Variants in VRK2 observed in about 807,000 individuals in gnomAD.
VRK2 encodes serine/threonine-protein kinase VRK2.
In VRK2, 60 loss-of-function variants were observed where a neutral mutation model predicts 57.6. The ratio of observed to expected loss-of-function variants is 1.04; its 90% CI spans 0.85 to 1.29. VRK2 has a LOEUF of 1.29. Ranked by LOEUF, VRK2 falls within the 50% of genes most tolerant of loss-of-function variation. The pLI is 0.00. For missense variants in VRK2, 705 were observed against 588.1 expected, an observed-to-expected ratio of 1.20 and a Z score of -2.06; for synonymous variants, 231 against 199.2, an observed-to-expected ratio of 1.16 and a Z score of -1.35.
intron 3 of VRK2, among the ~76,000 whole-genome samples, chr2:58,037,457 G>A (rs1389747130): frequency 3.3e-5 from 5 of 152,050 alleles, no homozygotes; most frequent in Non-Finnish European, 5.9e-5. Flanking sequence ...GGTGGGGTGA[G>A]GGGTGCAGAA....
intron 12 of VRK2, among the ~76,000 whole-genome samples, chr2:58,153,073 C>G (rs1400705800): frequency 6.6e-6 from 1 of 151,964 alleles, no homozygotes; most frequent in Non-Finnish European, 1.5e-5. Flanking sequence ...CTTCCCAATC[C>G]TAATCCTCAG....
rs369691337 is a variant in VRK2 at position 58,012,174 on chromosome 2, T to C, written c.-438-13491T>C. 2.5e-4 allele frequency among the ~76,000 whole-genome samples: 38 copies of C among 152,312 alleles called. No individual in the cohort carries two copies. In the East Asian group the frequency reaches 4.4e-3, roughly 18 times the overall value. On this transcript the variant is annotated intron_variant, in intron 1 of 15. Coordinates refer to the VRK2 transcript ENST00000417641. ...CTATATGGTCTAAAAAGGGGAGGCATGAATAATCCACCTTTGTTTAGCATA... is the reference window on the plus strand; with the variant it reads ...CTATATGGTCTAAAAAGGGGAGGCACGAATAATCCACCTTTGTTTAGCATA...
At chr2:58,057,144 T>C (rs1381577122) in intron 2 of VRK2, among the ~76,000 whole-genome samples, 1 of 152,150 alleles carries the variant, frequency 6.6e-6, no homozygotes, top group Non-Finnish European at 1.5e-5. Context: ...GTGCTTAATA[T>C]GGCCTTGCAT....
At chr2:58,006,870 T>A (rs903009786) in intron 1 of VRK2, among the ~76,000 whole-genome samples, 2 of 152,098 alleles carry the variant, frequency 1.3e-5, no homozygotes, top group African/African-American at 4.8e-5. Flanking sequence ...GAAGTCTAAT[T>A]TGAGTCATAG....
intron 10 of VRK2, among the ~76,000 whole-genome samples, chr2:58,137,200 ATC>A (rs370079520): frequency 0.026 from 482 of 18,450 alleles, 14 homozygotes; most frequent in African/African-American, 0.12. Flanking sequence ...ATACATATAT[ATC>A]TCATATATGA....
intron 2 of VRK2, among the ~76,000 whole-genome samples, chr2:58,069,245 T>C (rs1359990001): frequency 6.6e-6 from 1 of 152,226 alleles, no homozygotes; most frequent in Non-Finnish European, 1.5e-5. Context: ...TTCGTTTAGT[T>C]TTCAATAGCA....
chr2:58,074,449 ATTC>A (rs1193424184), intron 2 of VRK2, among the ~76,000 whole-genome samples: 5 of 151,922 alleles, frequency 3.3e-5, no homozygotes, highest in Admixed American at 1.3e-4. Flanking sequence ...TGGAGTATCA[ATTC>A]TTCTTTAGAA....
chr2:58,138,902 A>C (rs1324175910), intron 10 of VRK2, among the ~76,000 whole-genome samples: 1 of 152,196 alleles, frequency 6.6e-6, no homozygotes, highest in Non-Finnish European at 1.5e-5. Flanking sequence ...GCAAGCTACA[A>C]ATATTTTAAT....
At chr2:57,969,476 A>G (rs1409653728) in intron 1 of VRK2, among the ~76,000 whole-genome samples, 1 of 152,060 alleles carries the variant, frequency 6.6e-6, no homozygotes, top group African/African-American at 2.4e-5. Flanking sequence ...AATTTAGAAG[A>G]ATAATAAAAT....
chr2:58,077,791 G>A (rs949822430), intron 2 of VRK2, among the ~76,000 whole-genome samples: 1 of 152,016 alleles, frequency 6.6e-6, no homozygotes, highest in African/African-American at 2.4e-5. Flanking sequence ...AGTGGGATAA[G>A]GCCAACAATA....
chr2:58,148,175 A>G (rs968182398), intron 12 of VRK2, among the ~76,000 whole-genome samples: 1 of 151,826 alleles, frequency 6.6e-6, no homozygotes, highest in African/African-American at 2.4e-5. Context: ...TGGCCATTCC[A>G]TGTCCTCCCC....
At chr2:58,045,384 T>C (rs1674663288), upstream of VRK2, among the ~76,000 whole-genome samples, 1 of 152,148 alleles carries the variant, frequency 6.6e-6, no homozygotes, top group Admixed American at 6.5e-5. Context: ...TGGAGTTGTT[T>C]CTTCTCAAAA....
At chr2:58,110,832 C>T (rs1001701751) in intron 7 of VRK2, among the ~76,000 whole-genome samples, 13 of 152,190 alleles carry the variant, frequency 8.5e-5, no homozygotes, top group Non-Finnish European at 4.4e-5. Flanking sequence ...TCAGTGCCCA[C>T]TCCCGACATT....
intron 3 of VRK2, among the ~76,000 whole-genome samples, chr2:58,038,649 T>A (rs1674350109): frequency 6.6e-6 from 1 of 152,142 alleles, no homozygotes; most frequent in Non-Finnish European, 1.5e-5. Flanking sequence ...GGAGCCCTCA[T>A]TTCTTTTGTC....
At chr2:58,014,337 C>G (rs1310987083) in intron 1 of VRK2, among the ~76,000 whole-genome samples, 3 of 152,160 alleles carry the variant, frequency 2.0e-5, no homozygotes, top group Non-Finnish European at 4.4e-5. Context: ...GTCCTTTCTG[C>G]TACATTTAAA....
intron 12 of VRK2, among the ~76,000 whole-genome samples, chr2:58,151,210 TCTTCTATACATTTTTG>T (rs546043834): frequency 5.9e-4 from 89 of 151,934 alleles, no homozygotes; most frequent in African/African-American, 1.6e-3. Flanking sequence ...TCCATTTGTC[TCTTCTATACATTTTTG>T]CTTCTATACA....
intron 8 of VRK2, among the ~76,000 whole-genome samples, chr2:58,126,097 A>G (rs1418963975): frequency 2.0e-5 from 3 of 151,980 alleles, no homozygotes; most frequent in South Asian, 2.1e-4. Context: ...CAGTCCAACT[A>G]TGAGATCAAA....
intron 1 of VRK2, among the ~76,000 whole-genome samples, chr2:58,018,269 A>C (rs1179936843): frequency 1.3e-5 from 2 of 152,226 alleles, no homozygotes; most frequent in Non-Finnish European, 2.9e-5. Flanking sequence ...CTGAGATTAC[A>C]GGCATTAGCC....
At chr2:58,114,393 G>C (rs1467318962) in intron 7 of VRK2, among the ~76,000 whole-genome samples, 1 of 152,116 alleles carries the variant, frequency 6.6e-6, no homozygotes, top group Non-Finnish European at 1.5e-5. Flanking sequence ...ATGGTGAATA[G>C]GAGTATGACT....
Sources: gnomAD v4.1 joint callset for allele counts (sites outside exome capture counted in the v4.1 genomes callset) on GRCh38, gnomAD v4.1.1 for gene constraint, MANE v1.5 for transcripts, NCBI Gene and HGNC (gene_info 2026-07-23, HGNC 2026-07-21) for gene names.